Variants in IL31RA observed in about 807,000 individuals in gnomAD.
IL31RA encodes interleukin-31 receptor subunit alpha.
A neutral mutation model predicts 83.7 loss-of-function variants in IL31RA; 66 were observed. That is an observed-to-expected ratio of 0.79 (90% CI 0.65 to 0.97). IL31RA has a LOEUF of 0.97. Among genes scored for constraint, IL31RA ranks in the 50% least tolerant of loss-of-function variants. The probability of loss-of-function intolerance (pLI) is 0.00; values close to 1 mark genes in which losing one functional copy is unlikely to be tolerated. For synonymous variants in IL31RA, 325 were observed against 329.0 expected (o/e 0.99, Z 0.13); for missense variants, 798 against 919.4 (o/e 0.87, Z 1.71).
intron 2 of IL31RA, among the ~76,000 whole-genome samples, chr5:55,865,377 G>A (rs191889867): frequency 6.6e-6 from 1 of 152,252 alleles, no homozygotes; most frequent in East Asian, 1.9e-4. Flanking sequence ...TCTCTGGAGA[G>A]AGCGAGAAAA....
rs1580755753 is a variant in IL31RA at position 55,919,616 on chromosome 5, C to G, written c.*2496C>G. On this transcript the variant is annotated 3_prime_UTR_variant, in exon 15 of 15. Coordinates refer to ENST00000652347, the MANE Select transcript of IL31RA (RefSeq NM_139017.7). ...TTCTTGTTTCTTTTCATTCCTTTCT[C>G]CCCTTCCATCAGCCTCCTTTGATCA... Among the ~76,000 whole-genome samples the G allele has an allele frequency of 2.0e-5, 3 of 152,158 alleles. No homozygotes were observed. The highest frequency in any genetic ancestry group is 7.2e-5 in the African/African-American group (3 of 41,436).
Position 55,908,424 on chromosome 5 carries a change from A to C in IL31RA, c.1501+13A>C. 1 of 1,614,236 alleles carries C rather than the reference A, an allele frequency of 6.2e-7. No individual in the cohort carries two copies. The highest frequency in any genetic ancestry group is 8.5e-7 in the Non-Finnish European group (1 of 1,180,048). The stretch of plus-strand genomic sequence containing the variant: ...GGAAAAGGATTCTGTAAGCACGCCC[A>C]TAGCGAAGTGGAAAAAAACCCCAAG... On this transcript the variant is annotated intron_variant, in intron 11 of 14. Coordinates refer to ENST00000652347, the MANE Select transcript of IL31RA (RefSeq NM_139017.7).
chr5:55,885,727 C>A (rs952990004), intron 5 of IL31RA, among the ~76,000 whole-genome samples: 24 of 152,178 alleles, frequency 1.6e-4, no homozygotes, highest in African/African-American at 5.6e-4. Context: ...ATGATAATGG[C>A]CACTTCTCCC....
intron 1 of IL31RA, among the ~76,000 whole-genome samples, chr5:55,858,903 G>A (rs1275921134): frequency 3.9e-5 from 6 of 152,198 alleles, no homozygotes; most frequent in East Asian, 1.9e-4. Flanking sequence ...TAGGGAAGCC[G>A]TCAGGTAAAT....
At chr5:55,861,988 G>A (rs909895665) in intron 2 of IL31RA, among the ~76,000 whole-genome samples, 2 of 152,190 alleles carry the variant, frequency 1.3e-5, no homozygotes, top group African/African-American at 4.8e-5. Context: ...TTTGGAAAAT[G>A]TTCCTCTTGC....
At chr5:55,840,484 A>G in the IL31RA span, among the ~76,000 whole-genome samples, 6 of 152,356 alleles carry the variant, frequency 3.9e-5, no homozygotes, top group East Asian at 9.6e-4. Flanking sequence ...CACAAGGACT[A>G]AAAAAGACAA....
intron 13 of IL31RA, 43 bp downstream of exon 13, chr5:55,913,613 A>G: frequency 7.8e-7 from 1 of 1,284,844 alleles, no homozygotes; most frequent in East Asian, 2.3e-5. Context: ...AATCAGGGAC[A>G]AAAAGGGGTT....
intron 5 of IL31RA, among the ~76,000 whole-genome samples, chr5:55,883,763 T>A (rs1365910288): frequency 6.6e-6 from 1 of 152,194 alleles, no homozygotes; most frequent in East Asian, 1.9e-4. Context: ...TAAGGCTGCA[T>A]CACTGAAGAA....
intron 6 of IL31RA, among the ~76,000 whole-genome samples, chr5:55,890,801 G>A (rs952936074): frequency 6.6e-6 from 1 of 152,206 alleles, no homozygotes. Context: ...ATGACAGTGA[G>A]GAAAGGAAAG....
At chr5:55,840,008 T>C in the IL31RA span, 1 of 515,092 alleles carries the variant, frequency 1.9e-6, no homozygotes, top group Non-Finnish European at 3.7e-6. Context: ...CCTCGCCACC[T>C]TTGGTGCCCA....
At chr5:55,883,248 T>A in intron 5 of IL31RA, 53 bp downstream of exon 5, 417 of 1,324,008 alleles carry the variant, frequency 3.1e-4, no homozygotes, top group Non-Finnish European at 4.3e-4. Flanking sequence ...AGGAAAAGAA[T>A]CATTGACAAC....
At chr5:55,902,136 A>G (rs560460201) in intron 8 of IL31RA, among the ~76,000 whole-genome samples, 2 of 152,262 alleles carry the variant, frequency 1.3e-5, no homozygotes, top group Non-Finnish European at 2.9e-5. Flanking sequence ...GACACTTGTT[A>G]TTGTAAATGA....
chr5:55,907,387 C>T lies in IL31RA; in HGVS notation c.1281C>T (p.Asn427=). The T allele has an allele frequency of 6.2e-7, 1 of 1,613,232 alleles. No individual in the cohort carries two copies. The highest frequency in any genetic ancestry group is 8.5e-7 in the Non-Finnish European group (1 of 1,179,186). Residue 427 remains asparagine, a synonymous_variant, in exon 10 of 15, where the codon AAC becomes AAT. Coordinates refer to ENST00000652347, the MANE Select transcript of IL31RA (RefSeq NM_139017.7). ...QDKLKPFWCY[N]ISVYPMLHDK... is the part of the protein sequence containing the mutation. ...AATTAAAACCTTTCTGGTGCTATAA[C>T]ATCTCTGTGTATCCAATGTTGCATG...
chr5:55,867,160 T>C lies in IL31RA; in HGVS notation c.155-1631T>C, dbSNP rs529875640. ...GCATGTGTGTGTGCATGTGTGTTTG[T>C]GTGTGTGCATGTGTGTGTGCATGTG... On this transcript the variant is annotated intron_variant, in intron 2 of 14. Transcript: ENST00000652347. Among the ~76,000 whole-genome samples, 28 of 74,896 alleles carry C rather than the reference T, an allele frequency of 3.7e-4. No homozygotes were observed. The South Asian group carries it at 0.016, about 43-fold the overall frequency. 49.1% of individuals were successfully genotyped at this position (74,896 alleles called of 152,430 possible). A position where few individuals can be genotyped will look rare whatever the true frequency, so the allele number is the denominator to read the frequency against.
rs540357207 is a variant in IL31RA at position 55,870,739 on chromosome 5, C to T, written c.273-1531C>T. Among the ~76,000 whole-genome samples, 81 of 152,276 alleles carry T rather than the reference C, an allele frequency of 5.3e-4. 4 individuals are homozygous for T. In the South Asian group the frequency reaches 0.014, roughly 26 times the overall value. On this transcript the variant is annotated intron_variant, in intron 3 of 14. Transcript: ENST00000652347. Reference sequence around the variant, plus strand: ...TATCACCAAGAGGATCTCTTCCAAGCAAAGTGGAAGGGTTTCCCTGTGGAT... The same window carrying T: ...TATCACCAAGAGGATCTCTTCCAAGTAAAGTGGAAGGGTTTCCCTGTGGAT...
At position 55,919,070 on chromosome 5, in the gene IL31RA, T is replaced by A. The variant is rs575414543; in HGVS notation, c.*1950T>A. Among the ~76,000 whole-genome samples, 3 of 152,292 alleles carry A rather than the reference T, an allele frequency of 2.0e-5. No individual in the cohort carries two copies. The highest frequency in any genetic ancestry group is 7.2e-5 in the African/African-American group (3 of 41,540). On this transcript the variant is annotated 3_prime_UTR_variant, in exon 15 of 15. Transcript: ENST00000652347. ...TGTGGGCTCTTCTGTGAGCCCACTG[T>A]CCCCAGAGTTCCAGATGGGGCCTTT...
intron 6 of IL31RA, among the ~76,000 whole-genome samples, chr5:55,894,857 C>T (rs1401440321): frequency 6.6e-6 from 1 of 152,208 alleles, no homozygotes; most frequent in Non-Finnish European, 1.5e-5. Context: ...GCTGGGATTA[C>T]AGGCACACAC....
chr5:55,909,495 C>T (rs1400553432), intron 11 of IL31RA, among the ~76,000 whole-genome samples: 1 of 152,114 alleles, frequency 6.6e-6, no homozygotes, highest in East Asian at 1.9e-4. Flanking sequence ...AAACAGTTTT[C>T]CACAGTGACT....
intron 13 of IL31RA, 110 bp downstream of exon 13, chr5:55,913,680 T>C (rs974444637): frequency 2.5e-5 from 19 of 760,698 alleles, no homozygotes; most frequent in Non-Finnish European, 7.2e-6. Context: ...GGGTGTTCAT[T>C]CATTTATTAA....
Sources: allele counts gnomAD v4.1 joint callset (sites outside exome capture counted in the v4.1 genomes callset), GRCh38; gene constraint gnomAD v4.1.1; transcripts MANE v1.5; gene names NCBI Gene and HGNC (gene_info 2026-07-23, HGNC 2026-07-21).